The following MARS1 variants were observed in gnomAD, a reference collection of about 807,000 sequenced individuals.
MARS1 encodes methionine--tRNA ligase, cytoplasmic.
MARS1 carries 80 observed loss-of-function variants against 119.5 expected under a neutral mutation model. The observed-to-expected ratio is 0.67, with a 90% CI of 0.56 to 0.81. The LOEUF is 0.81. Ranked by LOEUF, MARS1 falls within the 30% of genes least tolerant of loss-of-function variation. The pLI, the probability that MARS1 is intolerant of heterozygous loss-of-function variation, is 0.00. For missense variants in MARS1, 945 were observed against 1,116.5 expected (o/e 0.85, Z 2.19); for synonymous variants, 418 against 433.4 (o/e 0.96, Z 0.44).
At chr12:57,506,182 G>C (rs974356948) in intron 11 of MARS1, among the ~76,000 whole-genome samples, 2 of 152,170 alleles carry the variant, frequency 1.3e-5, no homozygotes, top group African/African-American at 2.4e-5. Flanking sequence ...ACCTGAACCT[G>C]GGAAGGTTTG....
chr12:57,498,125 C>A lies in MARS1; in HGVS notation c.771-32C>A, dbSNP rs767006696. 2.8e-6 allele frequency: 4 copies of A among 1,414,614 alleles called. No homozygotes were observed. In the South Asian group the frequency reaches 4.6e-5, roughly 16 times the overall value. 87.6% of individuals were successfully genotyped at this position (1,414,614 alleles called of 1,614,324 possible). A position where few individuals can be genotyped will look rare whatever the true frequency, so the allele number is the denominator to read the frequency against. On this transcript the variant is annotated intron_variant, in intron 7 of 20. Coordinates refer to ENST00000262027, the MANE Select transcript of MARS1 (RefSeq NM_004990.4). ...GTCCCTGTTGACCCTCACATCCCCC[C>A]ATGCACTGTTCTCTTCCTCTTTCCT...
chr12:57,508,732 T>C (rs1877368209), intron 11 of MARS1, among the ~76,000 whole-genome samples: 1 of 15,840 alleles, frequency 6.3e-5, no homozygotes, highest in Admixed American at 6.4e-4. Flanking sequence ...GAGAGCATTT[T>C]TGTATTTCTA....
chr12:57,493,414 ATAT>A lies in MARS1; in HGVS notation c.770+2774_770+2776del, dbSNP rs1565639742. Among the ~76,000 whole-genome samples, 8 of 45,250 alleles carry A rather than the reference ATAT, an allele frequency of 1.8e-4. 3 individuals are homozygous for A. Among genetic ancestry groups the A allele is most frequent in the Non-Finnish European group, 2.9e-4 (8 of 27,904 alleles). 29.7% of individuals were successfully genotyped at this position (45,250 alleles called of 152,430 possible). A position where few individuals can be genotyped will look rare whatever the true frequency, so the allele number is the denominator to read the frequency against. On this transcript the variant is annotated intron_variant, in intron 7 of 20. Transcript: ENST00000262027. ...TTATATATAATATATGTTATATAAT[ATAT>A]TATATGATATGTATAATATATTACA...
In MARS1 at chr12:57,490,435, C is replaced by A. The variant is rs1875847651; in HGVS notation, c.663+56C>A. 1.6e-5 allele frequency: 25 copies of A among 1,609,908 alleles called. No individual in the cohort carries two copies. In the East Asian group the frequency reaches 5.6e-4, roughly 36 times the overall value. On this transcript the variant is annotated intron_variant, in intron 6 of 20. Transcript: ENST00000262027. Reference sequence around the variant, plus strand: ...AGGTGGGAGGTGGCTAGGAGATGGACTTTGAGCATGGCCACTAACTTTTTC... The same window carrying A: ...AGGTGGGAGGTGGCTAGGAGATGGAATTTGAGCATGGCCACTAACTTTTTC...
chr12:57,504,337 C>T (rs765052088), intron 11 of MARS1, 38 bp downstream of exon 11: 4 of 1,513,242 alleles, frequency 2.6e-6, no homozygotes, highest in Non-Finnish European at 3.7e-6. Context: ...TTTCAGGAGG[C>T]CTCTTCTGTC....
intron 11 of MARS1, among the ~76,000 whole-genome samples, chr12:57,507,457 C>G (rs1418797067): frequency 2.8e-5 from 2 of 71,892 alleles, no homozygotes; most frequent in African/African-American, 4.8e-5. Flanking sequence ...ACCTCCCGGA[C>G]GGGGCGGCTG....
At chr12:57,507,990 G>A (rs1179386464) in intron 11 of MARS1, among the ~76,000 whole-genome samples, 2 of 151,900 alleles carry the variant, frequency 1.3e-5, no homozygotes, top group African/African-American at 2.4e-5. Context: ...CAGACGCGGC[G>A]GCCGGGCAGA....
At chr12:57,500,238 G>A (rs1876855759) in intron 9 of MARS1, 83 bp from the exon 10 acceptor site, 1 of 1,100,802 alleles carries the variant, frequency 9.1e-7, no homozygotes, top group East Asian at 2.4e-5. Context: ...CACTGAGTTT[G>A]GGTCCCTGGT....
intron 11 of MARS1, among the ~76,000 whole-genome samples, chr12:57,510,164 A>G (rs1877437830): frequency 6.6e-6 from 1 of 152,130 alleles, no homozygotes; most frequent in South Asian, 2.1e-4. Flanking sequence ...GGCGTGTACT[A>G]TCATGCCTGG....
chr12:57,515,827 A>G (rs1379906302), intron 18 of MARS1, 93 bp from the exon 19 acceptor site: 1 of 904,682 alleles, frequency 1.1e-6, no homozygotes, highest in Non-Finnish European at 1.8e-6. Flanking sequence ...TTTCTAAAAC[A>G]CATCAGAGAT....
At chr12:57,495,356 C>A (rs1876554988) in intron 7 of MARS1, among the ~76,000 whole-genome samples, 1 of 151,300 alleles carries the variant, frequency 6.6e-6, no homozygotes, top group Non-Finnish European at 1.5e-5. Flanking sequence ...TCCTCAGATC[C>A]CAGACGGGGT....
In MARS1 at chr12:57,490,311, C is replaced by T. The variant is rs776361792; in HGVS notation, c.595C>T (p.Arg199Trp). 39 of 1,612,916 alleles carry T rather than the reference C, an allele frequency of 2.4e-5. No individual in the cohort carries two copies. The highest frequency in any genetic ancestry group is 8.9e-5 in the East Asian group (4 of 44,890). Residue 199 changes from arginine to tryptophan, a missense_variant, in exon 6 of 21, where the codon CGG becomes TGG. By Grantham distance (101) the Arg-to-Trp change is moderately radical. Transcript: ENST00000262027. ...GAAACAGCAAGGTGTCCTGGCTCTC[C>T]GGCCTTACCTCCAAAAGCAGCCCCA... ...VLKQQGVLAL[R>W]PYLQKQPQPS...
Position 57,489,294 on chromosome 12 carries a change from G to A in MARS1, c.228G>A (p.Glu76=). The A allele has an allele frequency of 6.2e-7, 1 of 1,613,878 alleles. No homozygotes were observed. Among genetic ancestry groups the A allele is most frequent in the Non-Finnish European group, 8.5e-7 (1 of 1,180,024 alleles). ...ATTTTTTTTTGTTATCTGGCTGGGA[G>A]CAAGATGACCTCACTAACCAGTGGC... ...CRYFFLLSGW[E]QDDLTNQWLE... is the part of the protein sequence containing the mutation. Residue 76 remains glutamate (E), a synonymous_variant, in exon 3 of 21, where the codon GAG becomes GAA. Transcript: ENST00000262027.
At chr12:57,506,796 C>T (rs1877199030) in intron 11 of MARS1, among the ~76,000 whole-genome samples, 1 of 151,892 alleles carries the variant, frequency 6.6e-6, no homozygotes, top group Non-Finnish European at 1.5e-5. Context: ...CCTGTCTCAG[C>T]CTTCGAGTAG....
chr12:57,512,693 TAG>T, intron 14 of MARS1, 56 bp from the exon 15 acceptor site: 1 of 1,327,030 alleles, frequency 7.5e-7, no homozygotes, highest in Non-Finnish European at 1.1e-6. Context: ...GTTAGTGGGC[TAG>T]AGAGGGGAAG....
Position 57,489,500 on chromosome 12 carries a change from G to C in MARS1, c.356G>C (p.Arg119Thr), listed in dbSNP as rs780480352. The change falls in exon 4 of 21, where the codon AGA becomes ACA. Residue 119 changes from arginine to threonine, a missense_variant. By Grantham distance (71) the Arg-to-Thr change is moderately conservative (BLOSUM62 -1). Transcript: ENST00000262027. ...GAAGATGTTCTTGGTTCAGTGCGGA[G>C]AGCCCTGACTCACATTGACCACAGC... ...KGEDVLGSVR[R>T]ALTHIDHSLS... 5.6e-6 allele frequency: 9 copies of C among 1,614,042 alleles called. No homozygotes were observed. The highest frequency in any genetic ancestry group is 7.6e-6 in the Non-Finnish European group (9 of 1,180,020).
rs775186904 is a variant in MARS1, at chr12:57,516,323, G to A, written c.2542G>A (p.Glu848Lys). ...KPQQIQALMD[E>K]VTKQGNIVRE... ...ACAGCAGATACAAGCGCTGATGGAT[G>A]AAGTGACAAAACAAGTATGAAGCTT... is the stretch of plus-strand genomic sequence containing the variant. The change falls in exon 20 of 21, where the codon GAA becomes AAA. Residue 848 changes from glutamate to lysine, a missense_variant. Glu to Lys is a moderately conservative substitution (Grantham distance 56). Coordinates refer to ENST00000262027, the MANE Select transcript of MARS1 (RefSeq NM_004990.4). The A allele has an allele frequency of 1.2e-6, 2 of 1,614,196 alleles. No individual in the cohort carries two copies. The highest frequency in any genetic ancestry group is 2.2e-5 in the East Asian group (1 of 44,888).
Position 57,512,212 on chromosome 12 carries a change from TCTCTC to T in MARS1, c.1636-21_1636-17del. 3 of 1,607,134 alleles carry T rather than the reference TCTCTC, an allele frequency of 1.9e-6. 1 individual carries two copies. In the South Asian group the frequency reaches 3.3e-5, roughly 18 times the overall value. ...GGCCTTTGAAGGAGGTCTCAGGAAA[TCTCTC>T]CTAACCACATTCCCCTAGGTGGACC... On this transcript the variant is annotated intron_variant, in intron 13 of 20. Coordinates refer to ENST00000262027, the MANE Select transcript of MARS1 (RefSeq NM_004990.4).
In MARS1 at chr12:57,492,669, TCACACACACACACA is replaced by T. The variant is rs58931225; in HGVS notation, c.770+2058_770+2071del. ...CTGGGCAACAGAGCGCGACTCCATT[TCACACACACACACA>T]CACACACACACACACACACACACAC... On this transcript the variant is annotated intron_variant, in intron 7 of 20. Coordinates refer to ENST00000262027, the MANE Select transcript of MARS1 (RefSeq NM_004990.4). Among the ~76,000 whole-genome samples the T allele has an allele frequency of 6.7e-4, 93 of 139,550 alleles. 1 individual carries two copies. Among genetic ancestry groups the T allele is most frequent in the Middle Eastern group, 3.5e-3 (1 of 284 alleles). 91.6% of individuals were successfully genotyped at this position (139,550 alleles called of 152,430 possible).
Sources: allele counts gnomAD v4.1 joint callset (sites outside exome capture counted in the v4.1 genomes callset), GRCh38; gene constraint gnomAD v4.1.1; transcripts MANE v1.5; gene names NCBI Gene and HGNC (gene_info 2026-07-23, HGNC 2026-07-21).